Variants in CSMD1 observed in about 807,000 individuals in gnomAD.
CSMD1 encodes the protein CUB and Sushi multiple domains 1.
CSMD1 carries 213 observed loss-of-function variants against 417.5 expected under a neutral mutation model. The observed-to-expected ratio is 0.51, with a 90% CI of 0.46 to 0.57. CSMD1 has a LOEUF of 0.57. Ranked by LOEUF, CSMD1 falls within the 20% of genes least tolerant of loss-of-function variation. CSMD1 has a pLI of 0.00. For synonymous variants in CSMD1, 2,862 were observed against 1,736.8 expected, an observed-to-expected ratio of 1.65 and a Z score of -16.11; for missense variants, 6,923 against 4,529.7, an observed-to-expected ratio of 1.53 and a Z score of -15.17.
chr8:4,915,747 G>C (rs529079295), intron 1 of CSMD1, among the ~76,000 whole-genome samples: 3 of 152,206 alleles, frequency 2.0e-5, no homozygotes, highest in Non-Finnish European at 4.4e-5. Flanking sequence ...ACATCCATTT[G>C]GATTTTCCTG....
chr8:3,835,125 G>T (rs982524107), intron 5 of CSMD1, among the ~76,000 whole-genome samples: 2 of 147,362 alleles, frequency 1.4e-5, no homozygotes, highest in Non-Finnish European at 3.0e-5. Context: ...TGGTGGGACT[G>T]TAAACTAGTC....
intron 10 of CSMD1, among the ~76,000 whole-genome samples, chr8:3,537,214 T>C (rs950816566): frequency 6.6e-6 from 1 of 152,084 alleles, no homozygotes; most frequent in Admixed American, 6.6e-5. Flanking sequence ...TTGGCCAAGA[T>C]AGTCAGTCTC....
Position 2,951,271 on chromosome 8 carries a change from A to C in CSMD1, c.10044T>G (p.Pro3348=), listed in dbSNP as rs774735273. ...VNETVTKTPV[P]SDVFFVNSLW... is the part of the protein sequence containing the mutation. ...GTGAATTGACGAAAAAGACATCTGA[A>C]GGAACTGTGGGAAGGGGGGAAACAG... The change falls in exon 66 of 70, where the codon CCT becomes CCG. Residue 3348 remains proline (P), a synonymous_variant. Transcript: ENST00000635120. The C allele has an allele frequency of 3.1e-6, 5 of 1,602,820 alleles. No individual in the cohort carries two copies. The highest frequency in any genetic ancestry group is 1.7e-5 in the Admixed American group (1 of 58,440).
intron 5 of CSMD1, among the ~76,000 whole-genome samples, chr8:3,959,227 G>C (rs907917314): frequency 6.6e-6 from 1 of 152,208 alleles, no homozygotes; most frequent in African/African-American, 2.4e-5. Context: ...AGACAGAGCA[G>C]GGTGGGACAC....
At position 4,771,224 on chromosome 8, in the gene CSMD1, G is replaced by C. The variant is rs766452311; in HGVS notation, c.86-133666C>G. ...TGCCTAAAATTAGCAATTTTCAAGA[G>C]GCAGAGCTGGATGAGGAAGTCAGTC... On this transcript the variant is annotated intron_variant, in intron 1 of 69. Coordinates refer to ENST00000635120, the MANE Select transcript of CSMD1 (RefSeq NM_033225.6). Among the ~76,000 whole-genome samples, 39 of 152,168 alleles carry C rather than the reference G, an allele frequency of 2.6e-4. 1 individual carries two copies. The highest frequency in any genetic ancestry group is 7.3e-5 in the Non-Finnish European group (5 of 68,048).
chr8:4,850,160 G>A (rs937245362), intron 1 of CSMD1, among the ~76,000 whole-genome samples: 6 of 151,938 alleles, frequency 3.9e-5, no homozygotes, highest in Admixed American at 3.9e-4. Context: ...TGTGAATATT[G>A]GTATTTGTAA....
chr8:2,979,677 C>A (rs77189253), intron 54 of CSMD1, among the ~76,000 whole-genome samples: 1 of 152,278 alleles, frequency 6.6e-6, no homozygotes, highest in East Asian at 1.9e-4. Context: ...CCAAACTGTG[C>A]GTTTTATTTC....
At chr8:2,939,992 C>G (rs979323574) in intron 69 of CSMD1, among the ~76,000 whole-genome samples, 1 of 152,184 alleles carries the variant, frequency 6.6e-6, no homozygotes, top group African/African-American at 2.4e-5. Flanking sequence ...TGTGCAGCTG[C>G]ACCCGGCAGA....
chr8:4,476,239 G>T (rs1800797545), intron 2 of CSMD1, among the ~76,000 whole-genome samples: 1 of 152,056 alleles, frequency 6.6e-6, no homozygotes, highest in Non-Finnish European at 1.5e-5. Flanking sequence ...AAAAAGATAT[G>T]CTAGAAGATA....
At chr8:4,935,009 A>G (rs1807512795) in intron 1 of CSMD1, among the ~76,000 whole-genome samples, 1 of 152,230 alleles carries the variant, frequency 6.6e-6, no homozygotes, top group Admixed American at 6.5e-5. Context: ...ATCTATCTAT[A>G]CATATCTATC....
intron 36 of CSMD1, 81 bp from the exon 37 acceptor site, chr8:3,181,295 T>G: frequency 1.1e-6 from 1 of 946,546 alleles, no homozygotes; most frequent in Non-Finnish European, 1.6e-6. Context: ...AGAATACTTA[T>G]TAGGCTTACA....
intron 2 of CSMD1, among the ~76,000 whole-genome samples, chr8:4,491,580 G>A (rs575620355): frequency 2.0e-5 from 3 of 152,172 alleles, no homozygotes; most frequent in Non-Finnish European, 4.4e-5. Flanking sequence ...GTGGGCAAAA[G>A]GTCTGAACAG....
intron 5 of CSMD1, among the ~76,000 whole-genome samples, chr8:3,869,882 C>G (rs1270650450): frequency 1.3e-5 from 2 of 151,776 alleles, no homozygotes; most frequent in Non-Finnish European, 2.9e-5. Flanking sequence ...AATTTTGTAT[C>G]AGTAGTGCTT....
intron 21 of CSMD1, among the ~76,000 whole-genome samples, chr8:3,353,347 T>C (rs113817343): frequency 6.6e-6 from 1 of 152,232 alleles, no homozygotes; most frequent in Non-Finnish European, 1.5e-5. Context: ...AAGCTTCTTA[T>C]CTCCATTCCT....
At chr8:3,979,409 A>G (rs901813521) in intron 5 of CSMD1, among the ~76,000 whole-genome samples, 2 of 152,238 alleles carry the variant, frequency 1.3e-5, no homozygotes, top group East Asian at 3.9e-4. Context: ...CAGAGGCTAC[A>G]TGGAAAAGCT....
chr8:3,655,569 G>C (rs968931924), intron 7 of CSMD1, among the ~76,000 whole-genome samples: 7 of 151,858 alleles, frequency 4.6e-5, no homozygotes, highest in African/African-American at 1.7e-4. Context: ...TACCAAGAGA[G>C]AACCCCCACT....
intron 40 of CSMD1, among the ~76,000 whole-genome samples, chr8:3,143,246 T>G (rs1818613819): frequency 6.6e-6 from 1 of 152,208 alleles, no homozygotes; most frequent in Admixed American, 6.5e-5. Context: ...TTTTACTAAC[T>G]GGACGGTCAT....
At chr8:3,935,153 G>A (rs1287718897) in intron 5 of CSMD1, among the ~76,000 whole-genome samples, 2 of 152,194 alleles carry the variant, frequency 1.3e-5, no homozygotes, top group Middle Eastern at 3.4e-3. Context: ...TTTTTAAGAA[G>A]CAAGAATATG....
chr8:3,685,704 C>G (rs1799911685), intron 7 of CSMD1, among the ~76,000 whole-genome samples: 1 of 150,642 alleles, frequency 6.6e-6, no homozygotes, highest in Admixed American at 6.8e-5. Context: ...AATTTCAAGC[C>G]TTAAGATCAG....
Sources: allele counts gnomAD v4.1 joint callset (sites outside exome capture counted in the v4.1 genomes callset), GRCh38; gene constraint gnomAD v4.1.1; transcripts MANE v1.5; gene names NCBI Gene and HGNC (gene_info 2026-07-23, HGNC 2026-07-21).